The following PPARG variants were observed in gnomAD, a reference collection of about 807,000 sequenced individuals.
PPARG encodes peroxisome proliferator-activated receptor gamma.
PPARG carries 17 observed loss-of-function variants against 39.2 expected under a neutral mutation model. That is an observed-to-expected ratio of 0.43 (90% CI 0.30 to 0.65). The LOEUF (loss-of-function observed/expected upper bound fraction) is 0.65, where lower values mean the gene tolerates loss of function less well. Among genes scored for constraint, PPARG ranks in the 30% least tolerant of loss-of-function variants. The probability of loss-of-function intolerance (pLI) is 0.13; values close to 1 mark genes in which losing one functional copy is unlikely to be tolerated. For missense variants in PPARG, 406 were observed against 585.9 expected (o/e 0.69, Z 3.17); for synonymous variants, 223 against 215.7 (o/e 1.03, Z -0.30).
chr3:12,385,146 C>G (rs942161020), intron 4 of PPARG, among the ~76,000 whole-genome samples: 1 of 152,178 alleles, frequency 6.6e-6, no homozygotes, highest in Non-Finnish European at 1.5e-5. Flanking sequence ...ATGTGTTTAA[C>G]TCATCTGCAT....
chr3:12,367,718 A>G (rs1211722264), intron 2 of PPARG, among the ~76,000 whole-genome samples: 1 of 151,528 alleles, frequency 6.6e-6, no homozygotes, highest in Non-Finnish European at 1.5e-5. Context: ...AAATAAAAAT[A>G]AAAAAATTAG....
intron 2 of PPARG, among the ~76,000 whole-genome samples, chr3:12,372,442 TTAAAG>T (rs1377789271): frequency 6.6e-6 from 1 of 152,198 alleles, no homozygotes. Flanking sequence ...TTTCCCATCT[TTAAAG>T]TAAATTATAA....
At chr3:12,403,086 A>G (rs1177113110) in intron 5 of PPARG, among the ~76,000 whole-genome samples, 2 of 152,066 alleles carry the variant, frequency 1.3e-5, no homozygotes, top group African/African-American at 4.8e-5. Context: ...TGAGCCCAGG[A>G]GTTCGAGACC....
At chr3:12,360,155 T>G (rs1294312461) in intron 2 of PPARG, among the ~76,000 whole-genome samples, 1 of 152,108 alleles carries the variant, frequency 6.6e-6, no homozygotes. Context: ...TAATACAGTT[T>G]TTCTCTTCTT....
chr3:12,404,985 A>G (rs1334514480), intron 5 of PPARG, among the ~76,000 whole-genome samples: 1 of 152,168 alleles, frequency 6.6e-6, no homozygotes, highest in Non-Finnish European at 1.5e-5. Context: ...GAACAGAGCT[A>G]TGTATGCATG....
In PPARG at chr3:12,367,663, A is replaced by G. The variant is rs139185893; in HGVS notation, c.-8-12041A>G. On this transcript the variant is annotated intron_variant, in intron 2 of 7. Transcript: ENST00000651735. ...CGGGAGTTTGAGAATAGCCTGGGCA[A>G]CATAATGATACCTTGCCTCTACAAA... is the stretch of plus-strand genomic sequence containing the variant. Among the ~76,000 whole-genome samples, 514 of 151,874 alleles carry G rather than the reference A, an allele frequency of 3.4e-3. 2 individuals carry two copies. The highest frequency in any genetic ancestry group is 0.01 in the Middle Eastern group (3 of 294).
At chr3:12,430,173 C>T (rs774843582) in intron 7 of PPARG, among the ~76,000 whole-genome samples, 6 of 150,518 alleles carry the variant, frequency 4.0e-5, no homozygotes, top group Non-Finnish European at 7.4e-5. Flanking sequence ...GTTTATTAGA[C>T]ACAGGAAAAC....
intron 4 of PPARG, among the ~76,000 whole-genome samples, chr3:12,387,291 C>T (rs1167585893): frequency 6.6e-6 from 1 of 152,168 alleles, no homozygotes; most frequent in African/African-American, 2.4e-5. Flanking sequence ...TGAGGAATTG[C>T]CACACTGTCT....
intron 3 of PPARG, among the ~76,000 whole-genome samples, chr3:12,381,111 T>A (rs936379296): frequency 1.3e-5 from 2 of 152,184 alleles, no homozygotes; most frequent in African/African-American, 4.8e-5. Flanking sequence ...ATTTTATATT[T>A]ACAGGTGAGG....
intron 7 of PPARG, among the ~76,000 whole-genome samples, chr3:12,418,802 C>T (rs777340821): frequency 6.6e-6 from 1 of 152,186 alleles, no homozygotes; most frequent in Non-Finnish European, 1.5e-5. Flanking sequence ...ATGCGGAATA[C>T]CGGCCTTTAA....
At position 12,427,535 on chromosome 3, in the gene PPARG, A is replaced by G. The variant is rs117464774; in HGVS notation, c.1181-6363A>G. Among the ~76,000 whole-genome samples the G allele has an allele frequency of 5.3e-5, 8 of 152,300 alleles. No individual in the cohort carries two copies. The East Asian group carries it at 1.5e-3, about 29-fold the overall frequency. ...TTATTCGAACAAACACAAGAATTATAATATGTTCTAAAGTTCCTCTACCTA... is the reference window on the plus strand; with the variant it reads ...TTATTCGAACAAACACAAGAATTATGATATGTTCTAAAGTTCCTCTACCTA... On this transcript the variant is annotated intron_variant, in intron 7 of 7. Transcript: ENST00000651735.
chr3:12,422,267 A>C (rs1019469804), intron 7 of PPARG, among the ~76,000 whole-genome samples: 3 of 152,168 alleles, frequency 2.0e-5, no homozygotes, highest in Admixed American at 2.0e-4. Context: ...CTTTATATAC[A>C]CCCATAATCT....
chr3:12,326,181 C>T (rs187837318), intron 2 of PPARG, among the ~76,000 whole-genome samples: 2 of 152,152 alleles, frequency 1.3e-5, no homozygotes, highest in Non-Finnish European at 2.9e-5. Context: ...TGCTACTCCA[C>T]CCCCTACCCC....
chr3:12,310,460 T>C (rs2047196752), intron 1 of PPARG, among the ~76,000 whole-genome samples: 1 of 45,972 alleles, frequency 2.2e-5, no homozygotes, highest in South Asian at 6.3e-4. Context: ...TTTGAGCCCT[T>C]TTTTTTTTTT....
intron 5 of PPARG, among the ~76,000 whole-genome samples, chr3:12,405,316 T>C (rs1484038520): frequency 6.6e-6 from 1 of 152,194 alleles, no homozygotes; most frequent in African/African-American, 2.4e-5. Context: ...CTATGGCTTC[T>C]CTCCGCTACA....
rs80166301 is a variant in PPARG at position 12,413,238 on chromosome 3, G to A, written c.730-3466G>A. The stretch of plus-strand genomic sequence containing the variant: ...TTCTCACTAGGTTTGAGGGTAAGGA[G>A]GTCCCCTGTGAAATATGAAAGTGAA... On this transcript the variant is annotated intron_variant, in intron 6 of 7. Transcript: ENST00000651735. Among the ~76,000 whole-genome samples the A allele has an allele frequency of 4.7e-3, 722 of 152,236 alleles. 4 individuals carry two copies. Among genetic ancestry groups the A allele is most frequent in the Non-Finnish European group, 8.0e-3 (545 of 68,016 alleles).
intron 2 of PPARG, among the ~76,000 whole-genome samples, chr3:12,349,118 A>G (rs761371119): frequency 6.6e-6 from 1 of 152,204 alleles, no homozygotes; most frequent in Non-Finnish European, 1.5e-5. Context: ...TCTTTTAAGT[A>G]TATTTGGATA....
At chr3:12,374,256 A>G (rs1316725230) in intron 2 of PPARG, among the ~76,000 whole-genome samples, 4 of 152,100 alleles carry the variant, frequency 2.6e-5, no homozygotes, top group Non-Finnish European at 4.4e-5. Flanking sequence ...CAGTGAAACT[A>G]TTCTGTGTGA....
chr3:12,299,228 G>A (rs567667949), intron 1 of PPARG, among the ~76,000 whole-genome samples: 1 of 152,240 alleles, frequency 6.6e-6, no homozygotes, highest in African/African-American at 2.4e-5. Context: ...ATAAAGCAAT[G>A]AACAGACAAA....
Sources: gnomAD v4.1 joint callset for allele counts (sites outside exome capture counted in the v4.1 genomes callset) on GRCh38, gnomAD v4.1.1 for gene constraint, MANE v1.5 for transcripts, NCBI Gene and HGNC (gene_info 2026-07-23, HGNC 2026-07-21) for gene names.